ATIC: variants seen among roughly 807,000 people sequenced by gnomAD.
ATIC encodes the protein bifunctional purine biosynthesis protein ATIC.
A neutral mutation model predicts 72.5 loss-of-function variants in ATIC; 64 were observed. The observed-to-expected ratio is 0.88, with a 90% CI of 0.72 to 1.09. The LOEUF (loss-of-function observed/expected upper bound fraction) is 1.09, where lower values mean the gene tolerates loss of function less well. Among genes scored for constraint, ATIC ranks in the 50% least tolerant of loss-of-function variants. The pLI, the probability that ATIC is intolerant of heterozygous loss-of-function variation, is 0.00. For missense variants in ATIC, 787 were observed against 732.4 expected (o/e 1.07, Z -0.86); for synonymous variants, 281 against 267.1 (o/e 1.05, Z -0.51).
chr2:215,329,258 C>A (rs144532043), intron 7 of ATIC, among the ~76,000 whole-genome samples: 1 of 152,158 alleles, frequency 6.6e-6, no homozygotes, highest in East Asian at 1.9e-4. Flanking sequence ...AAAAAAATCC[C>A]CATGTACTGT....
chr2:215,336,886 G>A lies in ATIC; in HGVS notation c.1098+762G>A, dbSNP rs76974242. 2.8e-3 allele frequency among the ~76,000 whole-genome samples: 427 copies of A among 152,280 alleles called. 3 individuals carry two copies. The highest frequency in any genetic ancestry group is 9.8e-3 in the African/African-American group (407 of 41,560). ...CATTGTCCTAACTGAAATATATAAG[G>A]ATGCCTGTTTCCCAACACTTTTGTC... is the stretch of plus-strand genomic sequence containing the variant. On this transcript the variant is annotated intron_variant, in intron 11 of 15. Transcript: ENST00000236959.
chr2:215,323,225 G>GTGAGCC (rs2052789216), intron 4 of ATIC, among the ~76,000 whole-genome samples: 2 of 152,160 alleles, frequency 1.3e-5, no homozygotes, highest in African/African-American at 4.8e-5. Context: ...GATTACAGGC[G>GTGAGCC]TGAGCCACTG....
At chr2:215,342,531 T>C (rs1017350280) in intron 12 of ATIC, among the ~76,000 whole-genome samples, 1 of 152,196 alleles carries the variant, frequency 6.6e-6, no homozygotes. Flanking sequence ...AACACTGCAG[T>C]GATCCCTCAT....
the ATIC span, chr2:215,367,744 T>G: frequency 2.0e-6 from 2 of 976,100 alleles, no homozygotes; most frequent in Non-Finnish European, 3.2e-6. Context: ...CAGTATTCTC[T>G]TGTTTGCTTC....
At chr2:215,344,711 A>G (rs1012271696) in intron 12 of ATIC, 68 bp from the exon 13 acceptor site, 2 of 1,466,648 alleles carry the variant, frequency 1.4e-6, no homozygotes, top group African/African-American at 2.8e-5. Flanking sequence ...TAATATTTAA[A>G]AAAAGAAGCT....
intron 2 of ATIC, among the ~76,000 whole-genome samples, chr2:215,316,339 T>G (rs1481140000): frequency 6.6e-6 from 1 of 152,222 alleles, no homozygotes; most frequent in African/African-American, 2.4e-5. Context: ...GTTGGAACTG[T>G]GTGTGTCATT....
chr2:215,328,518 C>G (rs1297654728), intron 7 of ATIC, among the ~76,000 whole-genome samples: 1 of 152,044 alleles, frequency 6.6e-6, no homozygotes, highest in Non-Finnish European at 1.5e-5. Context: ...GCTCCTTGTC[C>G]CCTTCACCCA....
chr2:215,348,910 A>G (rs2053099749), intron 14 of ATIC, 184 bp from the exon 15 acceptor site: 4 of 407,564 alleles, frequency 9.8e-6, no homozygotes, highest in Admixed American at 4.3e-5. Flanking sequence ...GTGAGCCGAG[A>G]TCGCACCACT....
the ATIC span, chr2:215,361,677 G>A: frequency 2.2e-6 from 3 of 1,381,546 alleles, no homozygotes; most frequent in South Asian, 1.2e-5. Context: ...ACTGTAAAGT[G>A]TACAGAAAAA....
chr2:215,349,351 A>C (rs945063582), intron 15 of ATIC, 102 bp downstream of exon 15: 2 of 1,583,304 alleles, frequency 1.3e-6, no homozygotes, highest in Admixed American at 3.4e-5. Flanking sequence ...AAAGTGATAC[A>C]GATCAGTAAT....
chr2:215,344,056 C>T lies in ATIC; in HGVS notation c.1228-723C>T, dbSNP rs139053391. 3.9e-3 allele frequency among the ~76,000 whole-genome samples: 588 copies of T among 152,264 alleles called. 4 individuals carry two copies. Among genetic ancestry groups the T allele is most frequent in the African/African-American group, 0.013 (533 of 41,556 alleles). ...TCTTGGCTGTCTGTGTGCATCATAA[C>T]GATTTGTGATGTCTATGAAACAATT... On this transcript the variant is annotated intron_variant, in intron 12 of 15. Coordinates refer to ENST00000236959, the MANE Select transcript of ATIC (RefSeq NM_004044.7).
the ATIC span, chr2:215,360,347 C>T: frequency 6.6e-6 from 1 of 152,166 alleles, no homozygotes; most frequent in Non-Finnish European, 1.5e-5. Context: ...TTTATCAAGC[C>T]ATGCCAAAAG....
rs867587957 is a variant in ATIC, at chr2:215,322,006, C to T, written c.290+2275C>T. 5.9e-5 allele frequency among the ~76,000 whole-genome samples: 9 copies of T among 151,962 alleles called. 1 individual carries two copies. The highest frequency in any genetic ancestry group is 2.6e-4 in the Admixed American group (4 of 15,248). On this transcript the variant is annotated intron_variant, in intron 4 of 15. Coordinates refer to ENST00000236959, the MANE Select transcript of ATIC (RefSeq NM_004044.7). ...GCAACCTCCACCTCCCGGATTCAAG[C>T]GATTCTGCCTCAGTCTCATGAGTAG...
chr2:215,354,330 A>G (rs2053151604), downstream of ATIC, among the ~76,000 whole-genome samples: 1 of 152,148 alleles, frequency 6.6e-6, no homozygotes, highest in Admixed American at 6.5e-5. Flanking sequence ...ATGCCTTCTC[A>G]GGAAACTAAT....
chr2:215,327,490 A>T (rs908343447), intron 7 of ATIC, among the ~76,000 whole-genome samples: 4 of 152,252 alleles, frequency 2.6e-5, no homozygotes, highest in Admixed American at 6.5e-5. Context: ...ACTAACAACG[A>T]TAAAGAGGTT....
At chr2:215,337,265 G>C (rs78438165) in intron 11 of ATIC, among the ~76,000 whole-genome samples, 30,746 of 152,082 alleles carry the variant, frequency 0.2, 3,467 homozygotes, top group East Asian at 0.5. Flanking sequence ...TACAAGGAAA[G>C]TTATTAAGTA....
At chr2:215,342,648 A>G (rs897400473) in intron 12 of ATIC, among the ~76,000 whole-genome samples, 9 of 152,112 alleles carry the variant, frequency 5.9e-5, no homozygotes, top group Non-Finnish European at 1.0e-4. Context: ...TCGTGCATTC[A>G]TGTACAGTTT....
intron 11 of ATIC, 74 bp downstream of exon 11, chr2:215,336,198 C>A: frequency 1.8e-6 from 2 of 1,113,362 alleles, no homozygotes; most frequent in South Asian, 1.2e-5. Flanking sequence ...TTTACTCTTT[C>A]CTTTATACTC....
At chr2:215,334,704 GA>G (rs2052936179) in intron 9 of ATIC, among the ~76,000 whole-genome samples, 1 of 152,136 alleles carries the variant, frequency 6.6e-6, no homozygotes, top group African/African-American at 2.4e-5. Flanking sequence ...GTCCTTCACA[GA>G]AAAAGTTTTC....
Sources: gnomAD v4.1 joint callset for allele counts (sites outside exome capture counted in the v4.1 genomes callset) on GRCh38, gnomAD v4.1.1 for gene constraint, MANE v1.5 for transcripts, NCBI Gene and HGNC (gene_info 2026-07-23, HGNC 2026-07-21) for gene names.